The following TASOR2 variants were observed in gnomAD, a reference collection of about 807,000 sequenced individuals.
TASOR2 encodes protein TASOR 2.
In TASOR2, 84 loss-of-function variants were observed where a neutral mutation model predicts 199.5. That is an observed-to-expected ratio of 0.42 (90% CI 0.35 to 0.50). The LOEUF is 0.50. Ranked by LOEUF, TASOR2 falls within the 20% of genes least tolerant of loss-of-function variation. The pLI, the probability that TASOR2 is intolerant of heterozygous loss-of-function variation, is 0.02. For missense variants in TASOR2, 2,796 were observed against 2,835.9 expected (o/e 0.99, Z 0.32); for synonymous variants, 1,103 against 1,046.6 (o/e 1.05, Z -1.04).
At chr10:5,700,823 C>T (rs994060487) in intron 1 of TASOR2, among the ~76,000 whole-genome samples, 6 of 150,748 alleles carry the variant, frequency 4.0e-5, no homozygotes, top group Non-Finnish European at 7.4e-5. Context: ...TGTTTGCTTG[C>T]TTGCTTGCTT....
chr10:5,723,587 T>A, intron 6 of TASOR2, 90 bp from the exon 8 acceptor site: 1 of 690,702 alleles, frequency 1.4e-6, no homozygotes, highest in Non-Finnish European at 2.3e-6. Flanking sequence ...GGTTATATTT[T>A]TGTTTACATT....
At chr10:5,739,392 G>A (rs1836061945) in intron 12 of TASOR2, among the ~76,000 whole-genome samples, 1 of 152,104 alleles carries the variant, frequency 6.6e-6, no homozygotes, top group Non-Finnish European at 1.5e-5. Flanking sequence ...TAATCTGAGG[G>A]TTGAAAGAGA....
chr10:5,697,978 G>A (rs1460962390), intron 1 of TASOR2, among the ~76,000 whole-genome samples: 1 of 152,020 alleles, frequency 6.6e-6, no homozygotes, highest in Non-Finnish European at 1.5e-5. Flanking sequence ...CAGTTGACTG[G>A]CTTTTAATTT....
chr10:5,694,498 T>C (rs1836902244), intron 1 of TASOR2, among the ~76,000 whole-genome samples: 1 of 152,056 alleles, frequency 6.6e-6, no homozygotes, highest in Non-Finnish European at 1.5e-5. Flanking sequence ...CAAGAAAAAA[T>C]ACCAGATATT....
intron 18 of TASOR2, 82 bp from the exon 20 acceptor site, chr10:5,761,208 T>C (rs1588946836): frequency 1.6e-6 from 2 of 1,235,570 alleles, no homozygotes; most frequent in East Asian, 4.7e-5. Context: ...ACTCATGAGT[T>C]TGAATGGTTA....
chr10:5,705,207 C>T (rs1413548597), intron 1 of TASOR2, among the ~76,000 whole-genome samples: 1 of 152,182 alleles, frequency 6.6e-6, no homozygotes, highest in Non-Finnish European at 1.5e-5. Flanking sequence ...TGCTTTTTAT[C>T]ACTATAGATT....
At chr10:5,695,444 T>G (rs1837035413) in intron 1 of TASOR2, among the ~76,000 whole-genome samples, 1 of 152,216 alleles carries the variant, frequency 6.6e-6, no homozygotes, top group Non-Finnish European at 1.5e-5. Context: ...TAAATTAGTA[T>G]GTATTGATTT....
In TASOR2 at chr10:5,710,351, C is replaced by T. The variant is rs959421041; in HGVS notation, c.-287-2472C>T. 4.6e-5 allele frequency among the ~76,000 whole-genome samples: 7 copies of T among 151,942 alleles called. No individual in the cohort carries two copies. Among genetic ancestry groups the T allele is most frequent in the Admixed American group, 1.3e-4 (2 of 15,268 alleles). ...TAAAATCACTGCTTTTATGCATATA[C>T]TGCTATATATTGAAGAATACTGGCC... On this transcript the variant is annotated intron_variant, in intron 1 of 20. Coordinates refer to ENST00000328090, the Ensembl canonical transcript of TASOR2. This position sits in a 1 kb window ranked among gnomAD's most constrained non-coding sequence, Gnocchi z 4.6.
At chr10:5,725,761 A>G (rs1171537982) in intron 8 of TASOR2, among the ~76,000 whole-genome samples, 2 of 152,176 alleles carry the variant, frequency 1.3e-5, no homozygotes, top group African/African-American at 2.4e-5. Flanking sequence ...AGGCTGGGTA[A>G]CAGAGTGATA....
In TASOR2 at chr10:5,739,595, T is replaced by C. The variant is rs78331305; in HGVS notation, c.1448-23T>C. ...TTCTATGACAAGCAAACATCTCTCT[T>C]TTTTTTTTCTTTTATACTGAAGTCA... On this transcript the variant is annotated intron_variant, in intron 12 of 20. Coordinates refer to ENST00000328090, the Ensembl canonical transcript of TASOR2. 7.5e-3 allele frequency: 11,790 copies of C among 1,580,214 alleles called. 128 individuals are homozygous for C. The highest frequency in any genetic ancestry group is 0.036 in the South Asian group (3,076 of 85,488).
Position 5,748,417 on chromosome 10 carries a change from A to G in TASOR2, c.4996A>G (p.Thr1666Ala). 1 of 1,614,260 alleles carries G rather than the reference A, an allele frequency of 6.2e-7. No homozygotes were observed. The highest frequency in any genetic ancestry group is 8.5e-7 in the Non-Finnish European group (1 of 1,180,042). Residue 1666 changes from threonine to alanine, a missense_variant, in exon 15 of 21, where the codon ACA becomes GCA. This residue lies in a region of TASOR2 where 1,941 missense variants were observed against 1,924.9 expected (regional missense o/e 1.01). Coordinates refer to ENST00000328090, the Ensembl canonical transcript of TASOR2. The surrounding 1 kb of genome is among the most constrained non-coding windows in gnomAD (Gnocchi z 5.1). ...GCTTTGTTCTTCCTCAGACAATGCT[A>G]CATTAACCCATTATGTAAGACCAAT... is the stretch of plus-strand genomic sequence containing the variant.
chr10:5,688,415 T>TG (rs1351636072), intron 1 of TASOR2, among the ~76,000 whole-genome samples: 49 of 120,392 alleles, frequency 4.1e-4, no homozygotes, highest in South Asian at 1.3e-3. Flanking sequence ...TTTTTTTTTT[T>TG]TTTTTGTAGA....
rs1837846587 is a variant in TASOR2 at position 5,750,307 on chromosome 10, A to C, written c.6606+280A>C. On this transcript the variant is annotated intron_variant, in intron 15 of 20. Coordinates refer to ENST00000328090, the Ensembl canonical transcript of TASOR2. This position sits in a 1 kb window ranked among gnomAD's most constrained non-coding sequence, Gnocchi z 5.4. ...ATGCCCATACTTCAAGTGTAAATAC[A>C]AACACATTCCGATGTTAAAATACAG... Among the ~76,000 whole-genome samples the C allele has an allele frequency of 6.6e-6, 1 of 152,274 alleles. No individual in the cohort carries two copies. Among genetic ancestry groups the C allele is most frequent in the South Asian group, 2.1e-4 (1 of 4,834 alleles).
exon 3 of TASOR2, chr10:5,717,706 T>C (rs769400041): frequency 1.6e-6 from 2 of 1,225,688 alleles, no homozygotes; most frequent in African/African-American, 3.1e-5. Context: ...AAGACCATGG[T>C]ATCATGGGAA....
chr10:5,754,215 T>C lies in TASOR2; in HGVS notation c.6607-2398T>C, dbSNP rs374551029. 1.3e-5 allele frequency among the ~76,000 whole-genome samples: 2 copies of C among 152,152 alleles called. No individual in the cohort carries two copies. Among genetic ancestry groups the C allele is most frequent in the East Asian group, 3.9e-4 (2 of 5,168 alleles). On this transcript the variant is annotated intron_variant, in intron 15 of 20. Coordinates refer to ENST00000328090, the Ensembl canonical transcript of TASOR2. This position sits in a 1 kb window ranked among gnomAD's most constrained non-coding sequence, Gnocchi z 4.3. ...CGGGAGGCTAAGGCAGGAGAATCAC[T>C]TGAACCCAGGATGTGGAGGTTGTAG...
At chr10:5,763,241 C>CTAGA in exon 21 of TASOR2, 1 of 462,324 alleles carries the variant, frequency 2.2e-6, no homozygotes, top group East Asian at 3.5e-5. Context: ...GGTTGCAGTG[C>CTAGA]TAGATATTGT....
In TASOR2 at chr10:5,722,715, A is replaced by G. The variant is rs1401967012; in HGVS notation, c.147-962A>G. Among the ~76,000 whole-genome samples, 2 of 152,164 alleles carry G rather than the reference A, an allele frequency of 1.3e-5. No individual in the cohort carries two copies. The highest frequency in any genetic ancestry group is 2.9e-5 in the Non-Finnish European group (2 of 68,034). ...AGCATTTTAAAATGAGTTTTTAAAAAGGAAACAGAGTGCCGGGCACAGTGG... is the reference window on the plus strand; with the variant it reads ...AGCATTTTAAAATGAGTTTTTAAAAGGGAAACAGAGTGCCGGGCACAGTGG... On this transcript the variant is annotated intron_variant, in intron 6 of 20. Transcript: ENST00000328090. The surrounding 1 kb of genome is among the most constrained non-coding windows in gnomAD (Gnocchi z 4.0).
chr10:5,716,673 T>C (rs1033568524), intron 2 of TASOR2, among the ~76,000 whole-genome samples: 2 of 152,004 alleles, frequency 1.3e-5, no homozygotes, highest in African/African-American at 4.8e-5. Flanking sequence ...GTAGCTCTTT[T>C]GGAGGCCACG....
chr10:5,742,226 C>T lies in TASOR2; in HGVS notation c.2457C>T (p.Asn819=). The T allele has an allele frequency of 1.2e-6, 2 of 1,614,102 alleles. No homozygotes were observed. Among genetic ancestry groups the T allele is most frequent in the Non-Finnish European group, 8.5e-7 (1 of 1,180,012 alleles). ...CCCGAAAGGTTGTAGAACACAGCAA[C>T]CCAGCAAAATATGTGTCTATAAATA... Residue 819 remains asparagine, a synonymous_variant, in exon 14 of 21, where the codon AAC becomes AAT. Transcript: ENST00000328090. This position sits in a 1 kb window ranked among gnomAD's most constrained non-coding sequence, Gnocchi z 4.2.
Sources: gnomAD v4.1 joint callset for allele counts (sites outside exome capture counted in the v4.1 genomes callset) on GRCh38, gnomAD v4.1.1 for gene constraint, gnomAD v4.1.1 regional missense constraint, Gnocchi (gnomAD v3.1) non-coding constraint, MANE v1.5 for transcripts, NCBI Gene and HGNC (gene_info 2026-07-23, HGNC 2026-07-21) for gene names.